The following KHDRBS3 variants were observed in gnomAD, a reference collection of about 807,000 sequenced individuals.
KHDRBS3 encodes KH RNA binding domain containing, signal transduction associated 3.
KHDRBS3 carries 23 observed loss-of-function variants against 45.6 expected under a neutral mutation model. The observed-to-expected ratio is 0.50, with a 90% confidence interval of 0.36 to 0.72. KHDRBS3 has a LOEUF of 0.72. Ranked by LOEUF, KHDRBS3 falls within the 30% of genes least tolerant of loss-of-function variation. The pLI is 0.00. For synonymous variants in KHDRBS3, 162 were observed against 156.5 expected, an observed-to-expected ratio of 1.04 and a Z score of -0.26; for missense variants, 352 against 424.8, an observed-to-expected ratio of 0.83 and a Z score of 1.51.
At chr8:135,625,649 G>T in intron 7 of KHDRBS3, 1 of 843,346 alleles carries the variant, frequency 1.2e-6, no homozygotes, top group Non-Finnish European at 2.1e-6. Context: ...AAAACTTCTT[G>T]AAACACTGAA....
chr8:135,600,900 C>T (rs1008537207), intron 6 of KHDRBS3, among the ~76,000 whole-genome samples: 2 of 152,150 alleles, frequency 1.3e-5, no homozygotes, highest in Non-Finnish European at 2.9e-5. Context: ...CAGATTTCTC[C>T]GTGTTGCCTA....
intron 4 of KHDRBS3, among the ~76,000 whole-genome samples, chr8:135,655,639 AC>A (rs2131225970): frequency 6.6e-6 from 1 of 152,276 alleles, no homozygotes; most frequent in Admixed American, 6.5e-5. Flanking sequence ...GTGGTATCAA[AC>A]ACTTACCTAG....
chr8:135,497,316 C>CT (rs1282271317), intron 1 of KHDRBS3, among the ~76,000 whole-genome samples: 1 of 152,118 alleles, frequency 6.6e-6, no homozygotes, highest in African/African-American at 2.4e-5. Flanking sequence ...TCCGGCAGTC[C>CT]TAAAGGCAGG....
intron 7 of KHDRBS3, among the ~76,000 whole-genome samples, chr8:135,622,652 C>T (rs565553603): frequency 1.3e-5 from 2 of 152,148 alleles, no homozygotes; most frequent in South Asian, 4.1e-4. Context: ...TGTTAGTATA[C>T]CAGATGGAAG....
At chr8:135,510,582 A>G (rs1824230103) in intron 1 of KHDRBS3, among the ~76,000 whole-genome samples, 1 of 152,090 alleles carries the variant, frequency 6.6e-6, no homozygotes, top group Admixed American at 6.5e-5. Flanking sequence ...CTATAGGCAC[A>G]CGCCACCATG....
At chr8:135,622,088 A>G (rs1830169882) in intron 7 of KHDRBS3, among the ~76,000 whole-genome samples, 2 of 152,138 alleles carry the variant, frequency 1.3e-5, no homozygotes, top group South Asian at 4.2e-4. Flanking sequence ...ACATGCTCTC[A>G]TAATACCCAG....
intron 3 of KHDRBS3, among the ~76,000 whole-genome samples, chr8:135,545,080 C>T (rs1024047510): frequency 6.6e-6 from 1 of 152,012 alleles, no homozygotes; most frequent in African/African-American, 2.4e-5. Flanking sequence ...ATCTGAGATT[C>T]AGAGAATTTG....
chr8:135,458,795 CCTAGGAAGTA>C, intron 1 of KHDRBS3: 1 of 451,802 alleles, frequency 2.2e-6, no homozygotes, highest in South Asian at 1.6e-5. Context: ...TGTGAAAGAT[CCTAGGAAGTA>C]CTGCGGGTCA....
intron 1 of KHDRBS3, among the ~76,000 whole-genome samples, chr8:135,499,509 G>A (rs973173772): frequency 2.0e-5 from 3 of 152,062 alleles, no homozygotes; most frequent in Non-Finnish European, 4.4e-5. Flanking sequence ...TACACAAAAT[G>A]CAAATTGCAA....
intron 6 of KHDRBS3, among the ~76,000 whole-genome samples, chr8:135,602,507 A>G (rs1829261642): frequency 6.6e-6 from 1 of 152,210 alleles, no homozygotes; most frequent in South Asian, 2.1e-4. Flanking sequence ...GTAATATCTG[A>G]CAGAATAATT....
At chr8:135,542,259 C>A (rs892013356) in intron 2 of KHDRBS3, 39 of 157,044 alleles carry the variant, frequency 2.5e-4, no homozygotes, top group Admixed American at 6.4e-4. Flanking sequence ...AGGTATTCCA[C>A]AGTGACCAGT....
chr8:135,577,858 C>A (rs1828019698), intron 5 of KHDRBS3, among the ~76,000 whole-genome samples: 1 of 152,162 alleles, frequency 6.6e-6, no homozygotes, highest in Non-Finnish European at 1.5e-5. Flanking sequence ...GCATTCCAGG[C>A]AGGAATGAGA....
chr8:135,543,574 T>A (rs1347220904), intron 3 of KHDRBS3, among the ~76,000 whole-genome samples: 1 of 152,224 alleles, frequency 6.6e-6, no homozygotes, highest in African/African-American at 2.4e-5. Flanking sequence ...ATAGCTTTTA[T>A]AATACAAATG....
At chr8:135,492,969 T>A (rs1823234618) in intron 1 of KHDRBS3, among the ~76,000 whole-genome samples, 2 of 152,212 alleles carry the variant, frequency 1.3e-5, no homozygotes, top group Non-Finnish European at 1.5e-5. Context: ...TATGTCTTTA[T>A]TATTTACATC....
chr8:135,458,073 C>T lies in KHDRBS3; in HGVS notation c.88+119C>T, dbSNP rs895634008. 12 of 1,396,706 alleles carry T rather than the reference C, an allele frequency of 8.6e-6. No individual in the cohort carries two copies. The African/African-American group carries it at 1.4e-4, about 16-fold the overall frequency. 86.5% of individuals were successfully genotyped at this position (1,396,706 alleles called of 1,614,324 possible). ...AGCGGACGCGGCGGAGACGGAGGCC[C>T]GGGTGGCCCCCGGGGTCGTTTGCAC... is the stretch of plus-strand genomic sequence containing the variant. On this transcript the variant is annotated intron_variant, in intron 1 of 8. Coordinates refer to ENST00000355849, the MANE Select transcript of KHDRBS3 (RefSeq NM_006558.3).
chr8:135,458,019 C>A, intron 1 of KHDRBS3, 65 bp downstream of exon 1: 1 of 1,503,502 alleles, frequency 6.7e-7, no homozygotes, highest in Non-Finnish European at 8.9e-7. Context: ...CGCGGGGGCC[C>A]AGGGGGCCCC....
intron 5 of KHDRBS3, among the ~76,000 whole-genome samples, chr8:135,580,947 CTT>C (rs200125903): frequency 2.6e-5 from 4 of 151,556 alleles, no homozygotes; most frequent in African/African-American, 7.3e-5. Context: ...GGTGTTTGGG[CTT>C]TTTTTTTCTC....
At chr8:135,633,519 C>T (rs771559536) in intron 7 of KHDRBS3, among the ~76,000 whole-genome samples, 12 of 152,184 alleles carry the variant, frequency 7.9e-5, no homozygotes, top group Non-Finnish European at 1.5e-5. Flanking sequence ...AATATAAGCT[C>T]ATGTTAATGC....
At chr8:135,633,411 T>G (rs976923751) in intron 7 of KHDRBS3, among the ~76,000 whole-genome samples, 2 of 152,210 alleles carry the variant, frequency 1.3e-5, no homozygotes, top group African/African-American at 4.8e-5. Context: ...CACCCCAGTT[T>G]GCATATAAAT....
Sources: gnomAD v4.1 joint callset for allele counts (sites outside exome capture counted in the v4.1 genomes callset) on GRCh38, gnomAD v4.1.1 for gene constraint, MANE v1.5 for transcripts, NCBI Gene and HGNC (gene_info 2026-07-23, HGNC 2026-07-21) for gene names.